Variants in CHAD observed in about 807,000 individuals in gnomAD.
The protein encoded by CHAD is chondroadherin.
CHAD carries 18 observed loss-of-function variants against 24.0 expected under a neutral mutation model. The observed-to-expected ratio is 0.75, with a 90% CI of 0.52 to 1.11. CHAD has a LOEUF of 1.11. Ranked by LOEUF, CHAD falls within the 50% of genes most tolerant of loss-of-function variation. The pLI is 0.00. For synonymous variants in CHAD, 195 were observed against 211.6 expected (o/e 0.92, Z 0.68); for missense variants, 440 against 467.2 (o/e 0.94, Z 0.54).
At chr17:50,467,871 T>G (rs1598431200) in intron 1 of CHAD, 169 bp downstream of exon 1, 1 of 616,386 alleles carries the variant, frequency 1.6e-6, no homozygotes, top group Non-Finnish European at 2.8e-6. Context: ...GGGATTAGGG[T>G]AGGGATGTGA....
At chr17:50,467,498 G>A (rs1457435691) in intron 1 of CHAD, among the ~76,000 whole-genome samples, 1 of 152,180 alleles carries the variant, frequency 6.6e-6, no homozygotes, top group African/African-American at 2.4e-5. Context: ...CCTCTATGGG[G>A]CATGGAGAAT....
chr17:50,465,048 A>G lies in CHAD; in HGVS notation c.*6T>C, dbSNP rs760506506. On this transcript the variant is annotated splice_region_variant and 3_prime_UTR_variant, in exon 4 of 4. Transcript: ENST00000508540. ...AGTCACCAGGACTGGCTGGGTCAGA[A>G]CCTGCAAAGAGGCAAAGATCGATGT... The G allele has an allele frequency of 2.4e-4, 128 of 526,472 alleles. No homozygotes were observed. Among genetic ancestry groups the G allele is most frequent in the Non-Finnish European group, 4.0e-4 (116 of 292,880 alleles). 32.6% of individuals were successfully genotyped at this position (526,472 alleles called of 1,614,324 possible).
intron 1 of CHAD, 117 bp from the exon 2 acceptor site, chr17:50,465,987 G>C: frequency 9.0e-7 from 1 of 1,110,712 alleles, no homozygotes; most frequent in Non-Finnish European, 1.3e-6. Flanking sequence ...ACTTTGAGGA[G>C]TTTCCCAGTT....
chr17:50,464,653 G>A lies in CHAD; in HGVS notation c.*401C>T. ...CTTTAAAACCCTTTCTGGAAGCAAGGGGTGGGGCAAGGATCTGATGATTGT... is the reference window on the plus strand; with the variant it reads ...CTTTAAAACCCTTTCTGGAAGCAAGAGGTGGGGCAAGGATCTGATGATTGT... On this transcript the variant is annotated 3_prime_UTR_variant, in exon 4 of 4. Coordinates refer to ENST00000508540, the MANE Select transcript of CHAD (RefSeq NM_001267.3). 1 of 480,916 alleles carries A rather than the reference G, an allele frequency of 2.1e-6. No homozygotes were observed. Among genetic ancestry groups the A allele is most frequent in the Non-Finnish European group, 4.1e-6 (1 of 244,198 alleles). The allele number at this position is 480,916 out of a possible 1,614,324, so 29.8% of individuals were successfully genotyped here.
chr17:50,468,337 G>C lies in CHAD; in HGVS notation c.477C>G (p.Ile159Met). The C allele has an allele frequency of 6.2e-7, 1 of 1,614,208 alleles. No homozygotes were observed. The highest frequency in any genetic ancestry group is 8.5e-7 in the Non-Finnish European group (1 of 1,180,044). ...GGAAGGCGCCTGCGCGCAGCTCACG[G>C]ATCTTGTTGTTGTTGAGCTGCAAGA... is the stretch of plus-strand genomic sequence containing the variant. ...LFILQLNNNK[I>M]RELRAGAFQG... Residue 159 changes from isoleucine (I) to methionine (M), a missense_variant, in exon 1 of 4, where the codon ATC (isoleucine) becomes ATG (methionine). By Grantham distance (10) the Ile-to-Met change is conservative. Coordinates refer to ENST00000508540, the MANE Select transcript of CHAD (RefSeq NM_001267.3).
At chr17:50,466,742 G>C (rs2032754866) in intron 1 of CHAD, among the ~76,000 whole-genome samples, 2 of 152,218 alleles carry the variant, frequency 1.3e-5, no homozygotes, top group Non-Finnish European at 2.9e-5. Flanking sequence ...AGGTTGGACG[G>C]CTCCAGAGGA....
chr17:50,465,966 T>C, intron 1 of CHAD, 96 bp from the exon 2 acceptor site: 1 of 1,380,714 alleles, frequency 7.2e-7, no homozygotes, highest in Admixed American at 1.8e-5. Context: ...TCCCTGAACC[T>C]GAGCCATAGC....
intron 2 of CHAD, 110 bp downstream of exon 2, chr17:50,465,597 G>A: frequency 6.7e-7 from 1 of 1,485,190 alleles, no homozygotes; most frequent in Non-Finnish European, 9.3e-7. Context: ...AGGGTCCCAT[G>A]CTTATTAGGT....
chr17:50,468,807 G>A lies in CHAD; in HGVS notation c.7C>T (p.Arg3Cys), dbSNP rs1271925201. 2.0e-6 allele frequency: 3 copies of A among 1,534,190 alleles called. No homozygotes were observed. The highest frequency in any genetic ancestry group is 2.6e-6 in the Non-Finnish European group (3 of 1,144,966). ...CCGAGGCTGAGCAAGAGCATTGGGC[G>A]GACCATGGCTGGGACGCCTGGGGCC... is the stretch of plus-strand genomic sequence containing the variant. MV[R>C]PMLLLSLGLL... Residue 3 changes from arginine (R) to cysteine (C), a missense_variant, in exon 1 of 4, where the codon CGC becomes TGC. Physicochemically the swap from Arg to Cys is radical, Grantham distance 180. Coordinates refer to ENST00000508540, the MANE Select transcript of CHAD (RefSeq NM_001267.3).
chr17:50,467,084 C>T (rs1567860635), intron 1 of CHAD, among the ~76,000 whole-genome samples: 1 of 152,352 alleles, frequency 6.6e-6, no homozygotes, highest in East Asian at 1.9e-4. Context: ...GTTCCCCACC[C>T]AAACCTCCTG....
In CHAD at chr17:50,467,925, A is replaced by G. The variant is rs1044551266; in HGVS notation, c.774+115T>C. 16 of 1,079,374 alleles carry G rather than the reference A, an allele frequency of 1.5e-5. No individual in the cohort carries two copies. The African/African-American group carries it at 2.4e-4, about 16-fold the overall frequency. The allele number at this position is 1,079,374 out of a possible 1,614,324, so 66.9% of individuals were successfully genotyped here. A position where few individuals can be genotyped will look rare whatever the true frequency, so the allele number is the denominator to read the frequency against. The stretch of plus-strand genomic sequence containing the variant: ...TGGCAGAGCTGCTCACCTTGGAGAT[A>G]GCCAGAGGGACAGGGAACCTGGGGA... On this transcript the variant is annotated intron_variant, in intron 1 of 3. Coordinates refer to ENST00000508540, the MANE Select transcript of CHAD (RefSeq NM_001267.3).
chr17:50,465,419 G>A lies in CHAD; in HGVS notation c.959C>T (p.Ser320Phe). 6.2e-7 allele frequency: 1 copy of A among 1,614,044 alleles called. No individual in the cohort carries two copies. Among genetic ancestry groups the A allele is most frequent in the Non-Finnish European group, 8.5e-7 (1 of 1,180,024 alleles). Residue 320 changes from serine to phenylalanine, a missense_variant, in exon 3 of 4, where the codon TCC becomes TTC. By Grantham distance (155) the Ser-to-Phe change is radical. Coordinates refer to ENST00000508540, the MANE Select transcript of CHAD (RefSeq NM_001267.3). ...GLRRWLEAKASRPDATCASPA... is the reference protein window; with the variant it reads ...GLRRWLEAKAFRPDATCASPA... ...TGAGGCACAGGTGGCATCTGGGCGG[G>A]AGGCCTTGGCTTCCAGCCACCTGGA...
In CHAD at chr17:50,464,889, G is replaced by A. The variant is rs2032596481; in HGVS notation, c.*165C>T. ...GACACTGCTGGGTGGAGCTGGGTTG[G>A]TAGTGGAGTGCCCGAGGCCCCCTGC... On this transcript the variant is annotated 3_prime_UTR_variant, in exon 4 of 4. Coordinates refer to ENST00000508540, the MANE Select transcript of CHAD (RefSeq NM_001267.3). 3 of 347,848 alleles carry A rather than the reference G, an allele frequency of 8.6e-6. No individual in the cohort carries two copies. Among genetic ancestry groups the A allele is most frequent in the South Asian group, 4.6e-5 (2 of 43,190 alleles). 21.5% of individuals were successfully genotyped at this position (347,848 alleles called of 1,614,324 possible). A position where few individuals can be genotyped will look rare whatever the true frequency, so the allele number is the denominator to read the frequency against.
At chr17:50,467,855 C>G in intron 1 of CHAD, 185 bp downstream of exon 1, 1 of 572,918 alleles carries the variant, frequency 1.7e-6, no homozygotes, top group Non-Finnish European at 3.0e-6. Context: ...AGACTGGCAG[C>G]AGACAGGGAT....
intron 1 of CHAD, among the ~76,000 whole-genome samples, chr17:50,466,410 G>A (rs181163259): frequency 1.5e-4 from 23 of 152,334 alleles, no homozygotes; most frequent in African/African-American, 5.3e-4. Context: ...TTTTCAATAT[G>A]CAAATGGGGA....
Position 50,468,623 on chromosome 17 carries a change from G to C in CHAD, c.191C>G (p.Pro64Arg). ...KLLNLQRNNF[P>R]VLAANSFRAM... ...CCGGAACGAATTGGCAGCCAGCACC[G>C]GGAAGTTGTTGCGCTGTAGGTTGAG... Residue 64 changes from proline (P) to arginine (R), a missense_variant, in exon 1 of 4, where the codon CCG becomes CGG. Coordinates refer to ENST00000508540, the MANE Select transcript of CHAD (RefSeq NM_001267.3). 1 of 1,614,236 alleles carries C rather than the reference G, an allele frequency of 6.2e-7. No individual in the cohort carries two copies. The highest frequency in any genetic ancestry group is 8.5e-7 in the Non-Finnish European group (1 of 1,180,038).
rs768160398 is a variant in CHAD at position 50,468,731 on chromosome 17, T to A, written c.83A>T (p.His28Leu). 3.1e-6 allele frequency: 5 copies of A among 1,609,838 alleles called. No homozygotes were observed. The African/African-American group carries it at 5.3e-5, about 17-fold the overall frequency. Residue 28 changes from histidine to leucine, a missense_variant, in exon 1 of 4, where the codon CAC becomes CTC. By Grantham distance (99) the His-to-Leu change is moderately conservative. Coordinates refer to ENST00000508540, the MANE Select transcript of CHAD (RefSeq NM_001267.3). ...PALAACPQNC[H>L]CHSDLQHVIC... ...GACGTGCTGCAGGTCGCTGTGGCAG[T>A]GGCAGTTCTGGGGGCAGGCGGCCAG...
chr17:50,465,915 G>T (rs1255330182), intron 1 of CHAD, 45 bp from the exon 2 acceptor site: 1 of 1,609,980 alleles, frequency 6.2e-7, no homozygotes, highest in Non-Finnish European at 8.5e-7. Context: ...GTGGTCATGA[G>T]TGAATGAGTA....
chr17:50,467,606 C>A (rs576539444), intron 1 of CHAD, among the ~76,000 whole-genome samples: 2 of 152,276 alleles, frequency 1.3e-5, no homozygotes, highest in African/African-American at 4.8e-5. Flanking sequence ...TCTTTGTGGG[C>A]CTGATCTGCC....
Sources: allele counts gnomAD v4.1 joint callset (sites outside exome capture counted in the v4.1 genomes callset), GRCh38; gene constraint gnomAD v4.1.1; transcripts MANE v1.5; gene names NCBI Gene and HGNC (gene_info 2026-07-23, HGNC 2026-07-21).